The following PTPRQ variants were observed in gnomAD, a reference collection of about 807,000 sequenced individuals.
PTPRQ encodes the protein protein tyrosine phosphatase receptor type Q, also known as phosphatidylinositol phosphatase PTPRQ.
PTPRQ carries 199 observed loss-of-function variants against 246.0 expected under a neutral mutation model. The ratio of observed to expected loss-of-function variants is 0.81; its 90% CI spans 0.72 to 0.91. The LOEUF (loss-of-function observed/expected upper bound fraction) is 0.91. Ranked by LOEUF, PTPRQ falls within the 40% of genes least tolerant of loss-of-function variation. PTPRQ has a pLI of 0.00. For synonymous variants in PTPRQ, 869 were observed against 853.2 expected, an observed-to-expected ratio of 1.02 and a Z score of -0.32; for missense variants, 2,624 against 2,528.4, an observed-to-expected ratio of 1.04 and a Z score of -0.81.
At chr12:80,678,814 G>A in intron 44 of PTPRQ, 89 bp downstream of exon 44, 1 of 1,449,692 alleles carries the variant, frequency 6.9e-7, no homozygotes, top group South Asian at 1.6e-5. Context: ...TGTTAAAAAT[G>A]TTTAAGAAGC....
intron 37 of PTPRQ, 147 bp downstream of exon 37, chr12:80,649,816 A>G: frequency 1.6e-6 from 2 of 1,247,038 alleles, no homozygotes; most frequent in Non-Finnish European, 2.1e-6. Flanking sequence ...TTTTGATAGT[A>G]ATGTTACACT....
chr12:80,590,856 C>G (rs1273515552), intron 26 of PTPRQ, among the ~76,000 whole-genome samples: 3 of 151,924 alleles, frequency 2.0e-5, no homozygotes, highest in Non-Finnish European at 4.4e-5. Flanking sequence ...TTGTTGCTTA[C>G]ACAAAATAAA....
At chr12:80,485,924 C>T (rs1327666752) in intron 9 of PTPRQ, among the ~76,000 whole-genome samples, 1 of 152,040 alleles carries the variant, frequency 6.6e-6, no homozygotes. Context: ...CAATTCTCGT[C>T]TCATAGTAGA....
intron 3 of PTPRQ, among the ~76,000 whole-genome samples, chr12:80,452,702 CT>C (rs1293859250): frequency 1.3e-5 from 2 of 152,214 alleles, no homozygotes; most frequent in African/African-American, 4.8e-5. Context: ...CCCCCACTCT[CT>C]TCTGGCTTCT....
chr12:80,529,823 T>G (rs1895793051), intron 17 of PTPRQ, among the ~76,000 whole-genome samples: 1 of 152,172 alleles, frequency 6.6e-6, no homozygotes, highest in Non-Finnish European at 1.5e-5. Flanking sequence ...AAATTTTTTT[T>G]TCATTTCCTA....
Position 80,472,089 on chromosome 12 carries a change from C to G in PTPRQ, c.1040-16C>G, listed in dbSNP as rs1565728323. The G allele has an allele frequency of 6.4e-7, 1 of 1,550,810 alleles. No individual in the cohort carries two copies. Among genetic ancestry groups the G allele is most frequent in the Non-Finnish European group, 8.7e-7 (1 of 1,146,702 alleles). ...TTGATAAAAAATAATCCATAGCTAT[C>G]TTCCACTTTTTGCAGGTCGCATTTT... On this transcript the variant is annotated splice_polypyrimidine_tract_variant and intron_variant, in intron 7 of 44. Transcript: ENST00000644991.
intron 37 of PTPRQ, among the ~76,000 whole-genome samples, chr12:80,650,205 G>A (rs74111036): frequency 0.018 from 2,767 of 151,798 alleles, 73 homozygotes; most frequent in African/African-American, 0.064. Context: ...TAATGTCCAC[G>A]TTTTACAGGG....
Position 80,495,281 on chromosome 12 carries a change from A to G in PTPRQ, c.1792A>G (p.Lys598Glu), listed in dbSNP as rs542556695. The G allele has an allele frequency of 6.5e-7, 1 of 1,546,726 alleles. No individual in the cohort carries two copies. Among genetic ancestry groups the G allele is most frequent in the South Asian group, 1.2e-5 (1 of 82,312 alleles). ...YWDPPEYPNG[K>E]ITHYTIYAME... ...GGATCCTCCAGAATATCCCAATGGAAAAATAACTCACTATACGATTTATGC... is the reference window on the plus strand; with the variant it reads ...GGATCCTCCAGAATATCCCAATGGAGAAATAACTCACTATACGATTTATGC... Residue 598 changes from lysine to glutamate, a missense_variant, in exon 12 of 45, where the codon AAA (lysine) becomes GAA (glutamate). Physicochemically the swap from Lys to Glu is moderately conservative, Grantham distance 56. Coordinates refer to ENST00000644991, the MANE Select transcript of PTPRQ (RefSeq NM_001145026.2).
At chr12:80,452,250 A>G (rs1339003422) in intron 3 of PTPRQ, among the ~76,000 whole-genome samples, 3 of 149,120 alleles carry the variant, frequency 2.0e-5, no homozygotes, top group Non-Finnish European at 3.0e-5. Flanking sequence ...TTTTGAGCCT[A>G]TGTGTGTCTC....
intron 6 of PTPRQ, among the ~76,000 whole-genome samples, chr12:80,468,374 C>T (rs1040011852): frequency 2.0e-5 from 3 of 151,966 alleles, no homozygotes; most frequent in African/African-American, 4.8e-5. Flanking sequence ...TTGTTGAATG[C>T]AGTATATATA....
chr12:80,535,518 T>C (rs1052764436), intron 19 of PTPRQ, among the ~76,000 whole-genome samples: 4 of 152,170 alleles, frequency 2.6e-5, no homozygotes, highest in African/African-American at 7.2e-5. Flanking sequence ...ATAATAATAG[T>C]ATATTAGTAG....
At chr12:80,663,660 T>C (rs1038249432) in intron 39 of PTPRQ, among the ~76,000 whole-genome samples, 10 of 151,990 alleles carry the variant, frequency 6.6e-5, no homozygotes, top group Admixed American at 6.6e-4. Flanking sequence ...GATGTCAAAA[T>C]TCATATAAAA....
chr12:80,466,372 A>T (rs10746168), intron 6 of PTPRQ, among the ~76,000 whole-genome samples: 1 of 152,032 alleles, frequency 6.6e-6, no homozygotes, highest in Admixed American at 6.5e-5. Flanking sequence ...CAAACAAATG[A>T]AAGAACATTC....
At chr12:80,495,453 C>T (rs1894587975) in intron 12 of PTPRQ, 82 bp downstream of exon 12, 29 of 1,442,692 alleles carry the variant, frequency 2.0e-5, no homozygotes, top group Non-Finnish European at 2.5e-5. Flanking sequence ...TCTCCCTGTG[C>T]CTTATATACT....
intron 4 of PTPRQ, 148 bp from the exon 5 acceptor site, chr12:80,459,135 AG>A: frequency 2.6e-6 from 1 of 391,966 alleles, no homozygotes; most frequent in Non-Finnish European, 4.5e-6. Flanking sequence ...TTTTAGGCAA[AG>A]TTCAGTTAAA....
At chr12:80,655,210 T>A (rs1026998266) in intron 38 of PTPRQ, among the ~76,000 whole-genome samples, 47 of 152,242 alleles carry the variant, frequency 3.1e-4, no homozygotes, top group Middle Eastern at 3.4e-3. Context: ...AGATAAAAAA[T>A]TAATCAGGTT....
intron 42 of PTPRQ, among the ~76,000 whole-genome samples, chr12:80,672,444 T>G (rs1328017561): frequency 1.3e-5 from 2 of 151,886 alleles, no homozygotes; most frequent in Non-Finnish European, 2.9e-5. Flanking sequence ...TTCATGTGGT[T>G]CAAAGTAATA....
chr12:80,454,741 C>A (rs1892915242), intron 3 of PTPRQ, among the ~76,000 whole-genome samples: 1 of 150,670 alleles, frequency 6.6e-6, no homozygotes, highest in African/African-American at 2.4e-5. Context: ...GCTAACAGGG[C>A]TGGGAGAAAA....
chr12:80,503,432 G>A (rs562131188), intron 14 of PTPRQ, among the ~76,000 whole-genome samples: 1 of 151,876 alleles, frequency 6.6e-6, no homozygotes, highest in African/African-American at 2.4e-5. Context: ...TATTAAGTGT[G>A]CCTTGACACC....
Sources: allele counts gnomAD v4.1 joint callset (sites outside exome capture counted in the v4.1 genomes callset), GRCh38; gene constraint gnomAD v4.1.1; transcripts MANE v1.5; gene names NCBI Gene and HGNC (gene_info 2026-07-23, HGNC 2026-07-21).